Variants in GANC observed in about 807,000 individuals in gnomAD.
GANC encodes glucosidase alpha, neutral C.
A neutral mutation model predicts 124.2 loss-of-function variants in GANC; 117 were observed. The ratio of observed to expected loss-of-function variants is 0.94; its 90% CI spans 0.81 to 1.10. GANC has a LOEUF of 1.10. Among genes scored for constraint, GANC ranks in the 50% least tolerant of loss-of-function variants. The pLI is 0.00. For synonymous variants in GANC, 377 were observed against 376.8 expected (o/e 1.00, Z -0.01); for missense variants, 1,140 against 1,095.0 (o/e 1.04, Z -0.58).
At chr15:42,349,359 C>G in intron 21 of GANC, 24 bp from the exon 22 acceptor site, 1 of 1,351,660 alleles carries the variant, frequency 7.4e-7, no homozygotes. Context: ...TAAGCACATT[C>G]TGTCTCTGTG....
Position 42,351,416 on chromosome 15 carries a change from G to A in GANC, c.2619G>A (p.Val873=). The A allele has an allele frequency of 6.2e-7, 1 of 1,612,556 alleles. No homozygotes were observed. The highest frequency in any genetic ancestry group is 2.2e-5 in the East Asian group (1 of 44,870). ...VLGFRKEPSS[V]TTHSSDGKDQ... Reference sequence around the variant, plus strand: ...GCTTCAGGAAGGAGCCATCTTCTGTGACTACCCACTCATCTGGTGAGAAAG... The same window carrying A: ...GCTTCAGGAAGGAGCCATCTTCTGTAACTACCCACTCATCTGGTGAGAAAG... The change falls in exon 23 of 24, where the codon GTG becomes GTA. Residue 873 remains valine (V), a synonymous_variant. Transcript: ENST00000318010.
intron 2 of GANC, among the ~76,000 whole-genome samples, chr15:42,276,738 C>A (rs1009062297): frequency 6.6e-6 from 1 of 152,042 alleles, no homozygotes; most frequent in Non-Finnish European, 1.5e-5. Flanking sequence ...CACTCCTGTC[C>A]CCTTCTACCC....
intron 10 of GANC, among the ~76,000 whole-genome samples, chr15:42,321,502 T>C (rs113985563): frequency 3.7e-4 from 57 of 152,348 alleles, no homozygotes; most frequent in Admixed American, 1.0e-3. Context: ...TTCAAGACCC[T>C]ATACTTCACC....
Position 42,273,442 on chromosome 15 carries a change from C to G in GANC, c.-1040C>G. On this transcript the variant is annotated 5_prime_UTR_variant, in exon 1 of 24. Coordinates refer to ENST00000318010, the MANE Select transcript of GANC (RefSeq NM_198141.3). ...CCTACCGAAAGCATTTCACCCTCTT[C>G]CGGTTCGTCCCGCCTTCTTCCGGCT... 1 of 1,609,474 alleles carries G rather than the reference C, an allele frequency of 6.2e-7. No homozygotes were observed. The highest frequency in any genetic ancestry group is 8.5e-7 in the Non-Finnish European group (1 of 1,178,142).
rs537462305 is a variant in GANC, at chr15:42,338,701, T to G, written c.1843+211T>G. 6.4e-4 allele frequency among the ~76,000 whole-genome samples: 98 copies of G among 152,316 alleles called. 2 individuals are homozygous for G. The South Asian group carries it at 0.02, about 31-fold the overall frequency. On this transcript the variant is annotated intron_variant, in intron 16 of 23. Transcript: ENST00000318010. Reference sequence around the variant, plus strand: ...TTCTATCTGGTCTCTGTTGAGGGCATGAAATCAAGTTGTCAGAAAGGGAGC... The same window carrying G: ...TTCTATCTGGTCTCTGTTGAGGGCAGGAAATCAAGTTGTCAGAAAGGGAGC...
rs775973315 is a variant in GANC, at chr15:42,310,390, G to C, written c.830G>C (p.Gly277Ala). 2 of 1,613,848 alleles carry C rather than the reference G, an allele frequency of 1.2e-6. No individual in the cohort carries two copies. Among genetic ancestry groups the C allele is most frequent in the Non-Finnish European group, 1.7e-6 (2 of 1,179,926 alleles). The change falls in exon 9 of 24, where the codon GGC becomes GCC. Residue 277 changes from glycine (G) to alanine (A), a missense_variant. By Grantham distance (60) the Gly-to-Ala change is moderately conservative. Coordinates refer to ENST00000318010, the MANE Select transcript of GANC (RefSeq NM_198141.3). ...CCTTATCTCCTGGCCCACAAACTGG[G>C]CAGAACTATAGGTATTTTCTGGCTG... Reference protein sequence around the residue: ...SVPYLLAHKLGRTIGIFWLNA... With the variant: ...SVPYLLAHKLARTIGIFWLNA...
At position 42,324,917 on chromosome 15, in the gene GANC, C is replaced by T. The variant is rs116135221; in HGVS notation, c.1294-1381C>T. On this transcript the variant is annotated intron_variant, in intron 11 of 23. Coordinates refer to ENST00000318010, the MANE Select transcript of GANC (RefSeq NM_198141.3). ...ACATACTTAACAGTACTAAACTGCA[C>T]ACTTAAAAATGGTTAAGATAGTAAA... is the stretch of plus-strand genomic sequence containing the variant. 8.0e-3 allele frequency among the ~76,000 whole-genome samples: 1,224 copies of T among 152,154 alleles called. 14 individuals carry two copies. Among genetic ancestry groups the T allele is most frequent in the African/African-American group, 0.028 (1,169 of 41,500 alleles).
chr15:42,283,001 G>A (rs1040588054), intron 3 of GANC, among the ~76,000 whole-genome samples: 3 of 152,094 alleles, frequency 2.0e-5, no homozygotes, highest in East Asian at 1.9e-4. Flanking sequence ...CCTCAACCTC[G>A]TTACCTCATC....
At chr15:42,341,076 A>G (rs1286659965) in intron 18 of GANC, among the ~76,000 whole-genome samples, 1 of 137,214 alleles carries the variant, frequency 7.3e-6, no homozygotes, top group Non-Finnish European at 1.6e-5. Flanking sequence ...GCATTTCTTG[A>G]TTAATTACAG....
intron 8 of GANC, among the ~76,000 whole-genome samples, 166 bp downstream of exon 8, chr15:42,308,484 G>A (rs1353243339): frequency 6.6e-6 from 1 of 152,092 alleles, no homozygotes; most frequent in African/African-American, 2.4e-5. Flanking sequence ...ACTCAGAGCA[G>A]TGGTTTTCCT....
At chr15:42,278,447 T>C (rs2051697743) in intron 2 of GANC, 35 bp from the exon 3 acceptor site, 2 of 1,379,736 alleles carry the variant, frequency 1.4e-6, no homozygotes, top group East Asian at 4.6e-5. Flanking sequence ...CAATCACAAA[T>C]AATTATCAAG....
At chr15:42,297,262 C>T (rs1406070951) in intron 5 of GANC, among the ~76,000 whole-genome samples, 1 of 152,136 alleles carries the variant, frequency 6.6e-6, no homozygotes, top group Non-Finnish European at 1.5e-5. Context: ...AATACTTCTA[C>T]ATTAAGAAAT....
At position 42,308,322 on chromosome 15, in the gene GANC, A is replaced by G; in HGVS notation, c.722+4A>G. 1 of 1,565,696 alleles carries G rather than the reference A, an allele frequency of 6.4e-7. No individual in the cohort carries two copies. Among genetic ancestry groups the G allele is most frequent in the African/African-American group, 1.3e-5 (1 of 74,086 alleles). On this transcript the variant is annotated splice_donor_region_variant and intron_variant, in intron 8 of 23. Coordinates refer to ENST00000318010, the MANE Select transcript of GANC (RefSeq NM_198141.3). The stretch of plus-strand genomic sequence containing the variant: ...CACACCAACTTAAAAATACTGGGTA[A>G]GTGAAAACAAGAATTCTTATGGGAG...
intron 15 of GANC, among the ~76,000 whole-genome samples, chr15:42,336,061 C>T (rs961430500): frequency 6.6e-6 from 1 of 151,856 alleles, no homozygotes; most frequent in Non-Finnish European, 1.5e-5. Flanking sequence ...TTTATAGATT[C>T]CGTGCTATTC....
chr15:42,315,955 T>C (rs2052097330), intron 10 of GANC, among the ~76,000 whole-genome samples: 1 of 152,146 alleles, frequency 6.6e-6, no homozygotes, highest in African/African-American at 2.4e-5. Context: ...CCAGTTACTT[T>C]AAATAAATAA....
At chr15:42,293,005 T>A in intron 5 of GANC, 88 bp downstream of exon 5, 1 of 1,296,666 alleles carries the variant, frequency 7.7e-7, no homozygotes, top group East Asian at 2.3e-5. Flanking sequence ...CATAGCACCA[T>A]AGAAAATTGG....
At chr15:42,293,927 T>A (rs1230379853) in intron 5 of GANC, among the ~76,000 whole-genome samples, 1 of 151,410 alleles carries the variant, frequency 6.6e-6, no homozygotes, top group Non-Finnish European at 1.5e-5. Context: ...AGCACATGCC[T>A]GTAGTCCCAG....
chr15:42,321,050 C>T (rs776610309), intron 10 of GANC, among the ~76,000 whole-genome samples: 2 of 152,150 alleles, frequency 1.3e-5, no homozygotes, highest in South Asian at 2.1e-4. Context: ...GAAGGAGATA[C>T]ATGCAAGTGG....
At chr15:42,336,816 G>A (rs546571316) in intron 15 of GANC, among the ~76,000 whole-genome samples, 22 of 152,196 alleles carry the variant, frequency 1.4e-4, no homozygotes, top group Admixed American at 1.1e-3. Flanking sequence ...TTAAAAAGTG[G>A]GCAAAGAACA....
Sources: gnomAD v4.1 joint callset for allele counts (sites outside exome capture counted in the v4.1 genomes callset) on GRCh38, gnomAD v4.1.1 for gene constraint, MANE v1.5 for transcripts, NCBI Gene and HGNC (gene_info 2026-07-23, HGNC 2026-07-21) for gene names.